The following CFAP20DC variants were observed in gnomAD, a reference collection of about 807,000 sequenced individuals.
CFAP20DC encodes protein CFAP20DC.
CFAP20DC carries 84 observed loss-of-function variants against 101.7 expected under a neutral mutation model. The ratio of observed to expected loss-of-function variants is 0.83; its 90% confidence interval spans 0.69 to 0.99. The LOEUF (loss-of-function observed/expected upper bound fraction) is 0.99. Among genes scored for constraint, CFAP20DC ranks in the 50% least tolerant of loss-of-function variants. The probability of loss-of-function intolerance (pLI) is 0.00; values close to 1 mark genes in which losing one functional copy is unlikely to be tolerated. For missense variants in CFAP20DC, 1,007 were observed against 970.3 expected, an observed-to-expected ratio of 1.04 and a Z score of -0.50; for synonymous variants, 359 against 351.2, an observed-to-expected ratio of 1.02 and a Z score of -0.25.
intron 12 of CFAP20DC, among the ~76,000 whole-genome samples, chr3:58,854,547 A>G (rs2078581083): frequency 6.6e-6 from 1 of 152,242 alleles, no homozygotes; most frequent in East Asian, 1.9e-4. Context: ...GAGCCAAAAG[A>G]ACAAAGCTGG....
intron 15 of CFAP20DC, among the ~76,000 whole-genome samples, chr3:58,804,676 T>A (rs1194373538): frequency 1.3e-5 from 2 of 152,200 alleles, no homozygotes; most frequent in Non-Finnish European, 2.9e-5. Flanking sequence ...ATTCTTAACT[T>A]GTTATAATTT....
At chr3:58,968,669 C>T (rs1030331764) in intron 4 of CFAP20DC, among the ~76,000 whole-genome samples, 1 of 151,956 alleles carries the variant, frequency 6.6e-6, no homozygotes, top group African/African-American at 2.4e-5. Flanking sequence ...GTCTGCTCAC[C>T]CTGCTGATAG....
intron 14 of CFAP20DC, among the ~76,000 whole-genome samples, chr3:58,816,367 C>G (rs925182332): frequency 6.6e-6 from 1 of 152,168 alleles, no homozygotes; most frequent in Admixed American, 6.5e-5. Flanking sequence ...TTCTGCATTT[C>G]CATCTGAGGT....
chr3:58,797,455 G>C (rs1159067165), intron 15 of CFAP20DC, among the ~76,000 whole-genome samples: 1 of 152,138 alleles, frequency 6.6e-6, no homozygotes, highest in East Asian at 1.9e-4. Context: ...GATTGAGAGA[G>C]GTAAGGAAGC....
intron 14 of CFAP20DC, among the ~76,000 whole-genome samples, chr3:58,810,004 A>G (rs2107774026): frequency 6.6e-6 from 1 of 152,306 alleles, no homozygotes; most frequent in East Asian, 1.9e-4. Flanking sequence ...CTAAACCAGG[A>G]AGAAGTTGAA....
chr3:58,935,323 A>G (rs1576378723), intron 5 of CFAP20DC, among the ~76,000 whole-genome samples: 1 of 152,040 alleles, frequency 6.6e-6, no homozygotes. Flanking sequence ...AGGAAGAATC[A>G]ATATTGTGAA....
At chr3:58,807,344 G>A (rs1285395110) in intron 14 of CFAP20DC, among the ~76,000 whole-genome samples, 8 of 152,130 alleles carry the variant, frequency 5.3e-5, no homozygotes, top group East Asian at 1.9e-4. Context: ...CACTTCACAC[G>A]GGCGGGTACT....
At chr3:58,979,687 G>C (rs552804714) in intron 4 of CFAP20DC, among the ~76,000 whole-genome samples, 1 of 152,096 alleles carries the variant, frequency 6.6e-6, no homozygotes, top group Non-Finnish European at 1.5e-5. Context: ...ATTCAACTAC[G>C]AACTGGCTGA....
chr3:58,858,461 G>C (rs1205951325), intron 12 of CFAP20DC, among the ~76,000 whole-genome samples: 7 of 152,208 alleles, frequency 4.6e-5, no homozygotes, highest in Non-Finnish European at 7.3e-5. Flanking sequence ...TGCTCTTGCT[G>C]AGTTGTAATT....
At position 58,820,040 on chromosome 3, in the gene CFAP20DC, A is replaced by G. The variant is rs1438641571; in HGVS notation, c.2175+11646T>C. 2.0e-5 allele frequency among the ~76,000 whole-genome samples: 3 copies of G among 149,860 alleles called. No homozygotes were observed. In the East Asian group the frequency reaches 6.0e-4, roughly 30 times the overall value. ...CATATAAACAGAGCCAAAGACAAAAACCACATGATTATCTCAATAGATGCA... is the reference window on the plus strand; with the variant it reads ...CATATAAACAGAGCCAAAGACAAAAGCCACATGATTATCTCAATAGATGCA... On this transcript the variant is annotated intron_variant, in intron 14 of 16. Coordinates refer to ENST00000482387, the MANE Select transcript of CFAP20DC (RefSeq NM_001394063.1).
intron 15 of CFAP20DC, among the ~76,000 whole-genome samples, chr3:58,754,456 G>A (rs1247019141): frequency 2.6e-5 from 4 of 152,048 alleles, no homozygotes; most frequent in Non-Finnish European, 5.9e-5. Flanking sequence ...TAGATACCTG[G>A]GGGGTAGAAT....
intron 15 of CFAP20DC, among the ~76,000 whole-genome samples, chr3:58,781,627 C>T (rs763505566): frequency 2.0e-5 from 3 of 151,860 alleles, no homozygotes; most frequent in Non-Finnish European, 4.4e-5. Context: ...CATGGAAATA[C>T]AAAAGATCAT....
Position 58,722,488 on chromosome 3 carries a change from G to C in CFAP20DC, c.198-4860C>G, listed in dbSNP as rs924580340. On this transcript the variant is annotated intron_variant, in intron 3 of 3. Coordinates refer to the CFAP20DC transcript ENST00000486145. This position sits in a 1 kb window ranked among gnomAD's most constrained non-coding sequence, Gnocchi z 4.5. ...GTTACAATCATCTGAACTATCATCA[G>C]ATTGGAACTCAGAGGTTCTGTTTAA... 1.3e-5 allele frequency among the ~76,000 whole-genome samples: 2 copies of C among 152,176 alleles called. No homozygotes were observed. Among genetic ancestry groups the C allele is most frequent in the African/African-American group, 4.8e-5 (2 of 41,430 alleles).
intron 6 of CFAP20DC, among the ~76,000 whole-genome samples, chr3:58,889,490 T>C (rs113150070): frequency 2.0e-5 from 3 of 152,320 alleles, no homozygotes; most frequent in African/African-American, 7.2e-5. Flanking sequence ...ATTACCTCTA[T>C]TTACCAAACC....
At chr3:58,726,743 A>G (rs2067557865) in intron 3 of CFAP20DC, 1 of 220,328 alleles carries the variant, frequency 4.5e-6, no homozygotes, top group Non-Finnish European at 9.3e-6. Flanking sequence ...TCACACCATC[A>G]GAAGAGATGA....
chr3:59,009,067 T>C (rs1459119535), intron 4 of CFAP20DC, among the ~76,000 whole-genome samples: 3 of 152,100 alleles, frequency 2.0e-5, no homozygotes, highest in Non-Finnish European at 4.4e-5. Context: ...AAGGATCTCA[T>C]ACAAAGTCTT....
At chr3:59,010,214 T>C (rs904887087) in intron 4 of CFAP20DC, among the ~76,000 whole-genome samples, 6 of 152,104 alleles carry the variant, frequency 3.9e-5, no homozygotes, top group Non-Finnish European at 5.9e-5. Context: ...ATCTGAATAC[T>C]AACATTGAAT....
chr3:58,959,705 C>T lies in CFAP20DC; in HGVS notation c.279-21943G>A, dbSNP rs192943898. Among the ~76,000 whole-genome samples, 15 of 152,220 alleles carry T rather than the reference C, an allele frequency of 9.9e-5. No individual in the cohort carries two copies. The East Asian group carries it at 2.9e-3, about 29-fold the overall frequency. The stretch of plus-strand genomic sequence containing the variant: ...TCTGGAATCACTAATTGTAATTTTG[C>T]CACCTTTGTTGTTCTTTTATAAAAT... On this transcript the variant is annotated intron_variant, in intron 4 of 16. Coordinates refer to ENST00000482387, the MANE Select transcript of CFAP20DC (RefSeq NM_001394063.1).
chr3:59,020,204 T>C (rs1341779495), intron 4 of CFAP20DC, among the ~76,000 whole-genome samples: 2 of 152,046 alleles, frequency 1.3e-5, no homozygotes, highest in Non-Finnish European at 2.9e-5. Context: ...ATTTCCAACA[T>C]GGTAAATATT....
Sources: gnomAD v4.1 joint callset for allele counts (sites outside exome capture counted in the v4.1 genomes callset) on GRCh38, gnomAD v4.1.1 for gene constraint, Gnocchi (gnomAD v3.1) non-coding constraint, MANE v1.5 for transcripts, NCBI Gene and HGNC (gene_info 2026-07-23, HGNC 2026-07-21) for gene names.